Variants in IGF1 observed in about 807,000 individuals in gnomAD.
IGF1 encodes insulin-like growth factor 1.
In IGF1, 4 loss-of-function variants were observed where a neutral mutation model predicts 13.8. The ratio of observed to expected loss-of-function variants is 0.29; its 90% CI spans 0.14 to 0.66. The LOEUF (loss-of-function observed/expected upper bound fraction) is 0.66, where lower values mean the gene tolerates loss of function less well. Ranked by LOEUF, IGF1 falls within the 30% of genes least tolerant of loss-of-function variation. IGF1 has a pLI of 0.78. For missense variants in IGF1, 124 were observed against 188.5 expected (o/e 0.66, Z 2.00); for synonymous variants, 76 against 72.6 (o/e 1.05, Z -0.23).
chr12:102,468,573 A>G (rs79838442), intron 2 of IGF1, among the ~76,000 whole-genome samples: 4,049 of 152,334 alleles, frequency 0.027, 79 homozygotes, highest in Non-Finnish European at 0.033. Flanking sequence ...CCTCTTTGCT[A>G]TGTTTTAAAC....
rs1320048017 is a variant in IGF1 at position 102,399,549 on chromosome 12, A to G, written c.*2958T>C. ...CAACTGACTTCCAGGGTTTGCATCAATTTGTTTTCTAGTTTTAATTCATTA... is the reference window on the plus strand; with the variant it reads ...CAACTGACTTCCAGGGTTTGCATCAGTTTGTTTTCTAGTTTTAATTCATTA... On this transcript the variant is annotated 3_prime_UTR_variant, in exon 4 of 4. Transcript: ENST00000337514. 1 of 152,130 alleles carries G rather than the reference A, an allele frequency of 6.6e-6. No individual in the cohort carries two copies. Among genetic ancestry groups the G allele is most frequent in the African/African-American group, 2.4e-5 (1 of 41,418 alleles). The allele number at this position is 152,130 out of a possible 1,614,324, so 9.4% of individuals were successfully genotyped here.
intron 3 of IGF1, among the ~76,000 whole-genome samples, chr12:102,411,401 G>C (rs1874628035): frequency 6.6e-6 from 1 of 152,106 alleles, no homozygotes; most frequent in Non-Finnish European, 1.5e-5. Context: ...CGTGAAAATA[G>C]CACATATTTT....
chr12:102,480,700 T>C, upstream of IGF1: 1 of 853,454 alleles, frequency 1.2e-6, no homozygotes, highest in Non-Finnish European at 1.6e-6. Flanking sequence ...TTGGGCATGG[T>C]GACAAATAAC....
intron 2 of IGF1, among the ~76,000 whole-genome samples, chr12:102,439,181 A>G (rs1877490386): frequency 6.6e-6 from 1 of 152,208 alleles, no homozygotes. Flanking sequence ...TACCCTGTTC[A>G]AAAGATGTTT....
chr12:102,426,969 G>T (rs911461498), intron 2 of IGF1, among the ~76,000 whole-genome samples: 3 of 152,136 alleles, frequency 2.0e-5, no homozygotes, highest in Admixed American at 6.5e-5. Context: ...CCACTGTGGA[G>T]TTTACGGTAG....
chr12:102,455,261 G>C (rs1478691080), intron 2 of IGF1, among the ~76,000 whole-genome samples: 3 of 152,240 alleles, frequency 2.0e-5, no homozygotes, highest in Admixed American at 6.5e-5. Context: ...AGTTAACAAA[G>C]TGACATTGCT....
chr12:102,464,200 C>G (rs1368672414), intron 2 of IGF1, among the ~76,000 whole-genome samples: 2 of 151,920 alleles, frequency 1.3e-5, no homozygotes. Context: ...GGTCCAGTAG[C>G]CTTTGAAAAT....
chr12:102,400,638 TA>T lies in IGF1; in HGVS notation c.*1868del, dbSNP rs1423552777. ...TGTGACTTTTTATTAGATATTATTTTAATATTTCAAATTTTGGATCACTTTC... is the reference window on the plus strand; with the variant it reads ...TGTGACTTTTTATTAGATATTATTTTATATTTCAAATTTTGGATCACTTTC... On this transcript the variant is annotated 3_prime_UTR_variant, in exon 4 of 4. Coordinates refer to ENST00000337514, the MANE Select transcript of IGF1 (RefSeq NM_000618.5). 1 of 152,224 alleles carries T rather than the reference TA, an allele frequency of 6.6e-6. No homozygotes were observed. Among genetic ancestry groups the T allele is most frequent in the Non-Finnish European group, 1.5e-5 (1 of 68,032 alleles). 9.4% of individuals were successfully genotyped at this position (152,224 alleles called of 1,614,324 possible). A position where few individuals can be genotyped will look rare whatever the true frequency, so the allele number is the denominator to read the frequency against.
intron 1 of IGF1, among the ~76,000 whole-genome samples, chr12:102,478,243 A>G (rs1267022865): frequency 2.6e-5 from 4 of 152,072 alleles, no homozygotes; most frequent in African/African-American, 9.7e-5. Flanking sequence ...GCCAAACACA[A>G]AAGAAATCAA....
rs1025787853 is a variant in IGF1, at chr12:102,480,366, T to A, written c.16A>T (p.Ser6Cys). The change falls in exon 1 of 4, where the codon AGT becomes TGT. Residue 6 changes from serine to cysteine, a missense_variant. Physicochemically the swap from Ser to Cys is moderately radical, Grantham distance 112. This residue lies in a region of IGF1 where 99 missense variants were observed against 171.4 expected (regional missense o/e 0.58). Coordinates refer to ENST00000337514, the MANE Select transcript of IGF1 (RefSeq NM_000618.5). MGKIS[S>C]LPTQLFKCCF... The stretch of plus-strand genomic sequence containing the variant: ...CACTTAAATAATTGGGTTGGAAGAC[T>A]GCTGATTTTTCCCATTGCTTCTGAA... The A allele has an allele frequency of 6.2e-7, 1 of 1,613,732 alleles. No individual in the cohort carries two copies. Among genetic ancestry groups the A allele is most frequent in the African/African-American group, 1.3e-5 (1 of 75,048 alleles).
At position 102,476,095 on chromosome 12, in the gene IGF1, G is replaced by A. The variant is rs5742618; in HGVS notation, c.64-296C>T. On this transcript the variant is annotated intron_variant, in intron 1 of 3. Coordinates refer to ENST00000337514, the MANE Select transcript of IGF1 (RefSeq NM_000618.5). ...GAATTGAGACAAAATATCTAGAAACGTTTACTACGGAAATGAAAGATGCTA... is the reference window on the plus strand; with the variant it reads ...GAATTGAGACAAAATATCTAGAAACATTTACTACGGAAATGAAAGATGCTA... 5.7e-3 allele frequency among the ~76,000 whole-genome samples: 873 copies of A among 152,158 alleles called. 10 individuals are homozygous for A. Among genetic ancestry groups the A allele is most frequent in the African/African-American group, 0.02 (850 of 41,502 alleles).
intron 2 of IGF1, among the ~76,000 whole-genome samples, chr12:102,420,210 AG>A (rs1217769079): frequency 1.3e-5 from 2 of 152,178 alleles, no homozygotes; most frequent in African/African-American, 4.8e-5. Context: ...TGAGACTCAG[AG>A]GTGGCAAAGA....
chr12:102,464,910 C>A (rs1013187603), intron 2 of IGF1, among the ~76,000 whole-genome samples: 4 of 152,154 alleles, frequency 2.6e-5, no homozygotes, highest in Admixed American at 6.5e-5. Flanking sequence ...GAATAGAAAT[C>A]TTTTGCCTAT....
At chr12:102,448,072 C>CAA (rs879668773) in intron 2 of IGF1, among the ~76,000 whole-genome samples, 2 of 129,216 alleles carry the variant, frequency 1.5e-5, no homozygotes, top group African/African-American at 5.9e-5. Context: ...AACAAATTTA[C>CAA]AAAAAAAAAA....
rs7957559 is a variant in IGF1 at position 102,444,812 on chromosome 12, G to A, written c.221-25122C>T. 2.9e-3 allele frequency among the ~76,000 whole-genome samples: 446 copies of A among 152,186 alleles called. 3 individuals are homozygous for A. Among genetic ancestry groups the A allele is most frequent in the African/African-American group, 9.8e-3 (406 of 41,564 alleles). On this transcript the variant is annotated intron_variant, in intron 2 of 3. Coordinates refer to ENST00000337514, the MANE Select transcript of IGF1 (RefSeq NM_000618.5). ...AATTTGGGACCCAGTAAGGAGATGC[G>A]TTAACTCATAAATAACTATGATATA... is the stretch of plus-strand genomic sequence containing the variant.
chr12:102,423,309 C>T (rs1875908541), intron 2 of IGF1: 1 of 146,886 alleles, frequency 6.8e-6, no homozygotes. Context: ...TGGTATAGTC[C>T]CTTCTACAGC....
intron 2 of IGF1, among the ~76,000 whole-genome samples, chr12:102,437,153 C>G (rs1320746813): frequency 2.0e-5 from 3 of 152,268 alleles, no homozygotes; most frequent in Non-Finnish European, 4.4e-5. Flanking sequence ...ACCTCATTCA[C>G]TCATTGAGAA....
chr12:102,450,310 G>A (rs946671014), intron 2 of IGF1, among the ~76,000 whole-genome samples: 1 of 152,238 alleles, frequency 6.6e-6, no homozygotes, highest in African/African-American at 2.4e-5. Context: ...GAGTAAGAGA[G>A]TAGCATAAAG....
upstream of IGF1, among the ~76,000 whole-genome samples, chr12:102,481,507 C>T (rs1318043824): frequency 6.6e-6 from 1 of 152,112 alleles, no homozygotes; most frequent in African/African-American, 2.4e-5. Flanking sequence ...TCAAATCCCT[C>T]AACTGGGTGA....
Sources: gnomAD v4.1 joint callset for allele counts (sites outside exome capture counted in the v4.1 genomes callset) on GRCh38, gnomAD v4.1.1 for gene constraint, gnomAD v4.1.1 regional missense constraint, MANE v1.5 for transcripts, NCBI Gene and HGNC (gene_info 2026-07-23, HGNC 2026-07-21) for gene names.